THRB: variants seen among roughly 807,000 people sequenced by gnomAD.
THRB encodes the protein nuclear receptor subfamily 1 group A member 2.
THRB carries 12 observed loss-of-function variants against 47.8 expected under a neutral mutation model. The observed-to-expected ratio is 0.25, with a 90% CI of 0.16 to 0.41. The LOEUF (loss-of-function observed/expected upper bound fraction) is 0.41. THRB is among the 10% of genes least tolerant of loss of function. The probability of loss-of-function intolerance (pLI) is 1.00; values close to 1 mark genes in which losing one functional copy is unlikely to be tolerated. For missense variants in THRB, 348 were observed against 589.2 expected (o/e 0.59, Z 4.24); for synonymous variants, 218 against 212.2 (o/e 1.03, Z -0.24).
At chr3:24,257,664 G>T (rs1302315267) in intron 3 of THRB, among the ~76,000 whole-genome samples, 1 of 152,220 alleles carries the variant, frequency 6.6e-6, no homozygotes, top group Non-Finnish European at 1.5e-5. Context: ...CACAGACAAT[G>T]TTAAGTGAAT....
At chr3:24,162,675 G>A (rs949539112) in intron 5 of THRB, among the ~76,000 whole-genome samples, 8 of 131,010 alleles carry the variant, frequency 6.1e-5, no homozygotes, top group Admixed American at 1.6e-4. Context: ...TTATTCTGTC[G>A]GCTATGAATG....
chr3:24,151,057 A>T (rs1159574039), intron 6 of THRB, among the ~76,000 whole-genome samples: 3 of 152,224 alleles, frequency 2.0e-5, no homozygotes, highest in Admixed American at 2.0e-4. Context: ...CATAGATGTA[A>T]TGGCAACCTT....
chr3:24,467,301 T>C (rs1312878835), intron 1 of THRB, among the ~76,000 whole-genome samples: 1 of 152,218 alleles, frequency 6.6e-6, no homozygotes, highest in Non-Finnish European at 1.5e-5. Flanking sequence ...TCCTCTAAAG[T>C]TCTCGAAGTC....
chr3:24,370,223 G>T (rs2149736408), intron 1 of THRB, among the ~76,000 whole-genome samples: 1 of 152,146 alleles, frequency 6.6e-6, no homozygotes, highest in East Asian at 1.9e-4. Flanking sequence ...ATTATTTTCA[G>T]ATAACTTGTC....
chr3:24,420,745 C>T (rs1332291529), intron 1 of THRB, among the ~76,000 whole-genome samples: 9 of 151,738 alleles, frequency 5.9e-5, no homozygotes, highest in Non-Finnish European at 2.9e-5. Context: ...CATGCACTGT[C>T]GGTGGGAATG....
intron 2 of THRB, among the ~76,000 whole-genome samples, chr3:24,304,194 A>G (rs534390196): frequency 1.2e-4 from 18 of 152,280 alleles, no homozygotes; most frequent in Non-Finnish European, 2.1e-4. Flanking sequence ...TACACACTCA[A>G]TCTAATAGAT....
At chr3:24,148,603 G>A (rs1406676536) in intron 6 of THRB, among the ~76,000 whole-genome samples, 2 of 152,286 alleles carry the variant, frequency 1.3e-5, no homozygotes, top group Middle Eastern at 6.8e-3. Context: ...AAGGCCTAAA[G>A]GGGTCCTCTA....
intron 5 of THRB, among the ~76,000 whole-genome samples, chr3:24,170,087 C>A (rs1055589646): frequency 5.9e-5 from 9 of 152,176 alleles, no homozygotes; most frequent in African/African-American, 1.9e-4. Context: ...CAACCATCAA[C>A]TTGACATCTC....
At chr3:24,380,481 C>T (rs1161747898) in intron 1 of THRB, among the ~76,000 whole-genome samples, 1 of 152,090 alleles carries the variant, frequency 6.6e-6, no homozygotes, top group Non-Finnish European at 1.5e-5. Context: ...TACCCTTCCC[C>T]CTCCTCTCCA....
At chr3:24,194,173 C>T (rs2043691039) in intron 4 of THRB, among the ~76,000 whole-genome samples, 1 of 152,158 alleles carries the variant, frequency 6.6e-6, no homozygotes, top group Admixed American at 6.5e-5. Context: ...GTACAGTGTA[C>T]ACTGCTCAGG....
chr3:24,457,599 A>G (rs113732403), intron 1 of THRB, among the ~76,000 whole-genome samples: 6 of 152,340 alleles, frequency 3.9e-5, no homozygotes, highest in African/African-American at 1.4e-4. Flanking sequence ...CAGAAACCAC[A>G]GGTTTAAAGA....
intron 1 of THRB, among the ~76,000 whole-genome samples, chr3:24,441,076 G>A (rs1398284748): frequency 6.6e-6 from 1 of 152,108 alleles, no homozygotes; most frequent in Non-Finnish European, 1.5e-5. Context: ...CTTTGCAATT[G>A]CAGGAAAAAG....
At chr3:24,433,758 T>C (rs2070677159) in intron 1 of THRB, among the ~76,000 whole-genome samples, 1 of 152,130 alleles carries the variant, frequency 6.6e-6, no homozygotes, top group Non-Finnish European at 1.5e-5. Context: ...TTTCTCAAAA[T>C]GAAGATTCAG....
intron 3 of THRB, among the ~76,000 whole-genome samples, chr3:24,288,827 T>C (rs967298517): frequency 1.3e-5 from 2 of 152,328 alleles, no homozygotes; most frequent in South Asian, 2.1e-4. Context: ...ACTGCGTTTC[T>C]TAAGAGTTAG....
At chr3:24,423,185 A>T (rs2069435442) in intron 1 of THRB, among the ~76,000 whole-genome samples, 1 of 151,892 alleles carries the variant, frequency 6.6e-6, no homozygotes, top group Non-Finnish European at 1.5e-5. Context: ...TGACCAATGA[A>T]GCAAAACCTG....
At chr3:24,282,713 G>C (rs1010072872) in intron 3 of THRB, among the ~76,000 whole-genome samples, 1 of 149,208 alleles carries the variant, frequency 6.7e-6, no homozygotes, top group Non-Finnish European at 1.5e-5. Flanking sequence ...AAAAAAGAGA[G>C]AACAATCAAA....
chr3:24,316,483 C>G (rs1021653252), intron 2 of THRB, among the ~76,000 whole-genome samples: 4 of 151,582 alleles, frequency 2.6e-5, no homozygotes, highest in African/African-American at 9.7e-5. Flanking sequence ...CCCTCTTGCT[C>G]TCACCCTTGT....
At chr3:24,440,550 C>T (rs1218976964) in intron 1 of THRB, among the ~76,000 whole-genome samples, 1 of 152,044 alleles carries the variant, frequency 6.6e-6, no homozygotes, top group Non-Finnish European at 1.5e-5. Context: ...TTTGTAGTCA[C>T]ATGCATTTAT....
intron 1 of THRB, among the ~76,000 whole-genome samples, chr3:24,482,532 T>TCC (rs1696615100): frequency 1.4e-5 from 2 of 143,644 alleles, no homozygotes; most frequent in African/African-American, 2.7e-5. Flanking sequence ...TCTTTCTTTC[T>TCC]GTCTCCCTCT....
Sources: allele counts gnomAD v4.1 joint callset (sites outside exome capture counted in the v4.1 genomes callset), GRCh38; gene constraint gnomAD v4.1.1; transcripts MANE v1.5; gene names NCBI Gene and HGNC (gene_info 2026-07-23, HGNC 2026-07-21).